The following CIZ1 variants were observed in gnomAD, a reference collection of about 807,000 sequenced individuals.
CIZ1 encodes the protein cip1-interacting zinc finger protein.
In CIZ1, 58 loss-of-function variants were observed where a neutral mutation model predicts 118.6. The ratio of observed to expected loss-of-function variants is 0.49; its 90% CI spans 0.40 to 0.61. The LOEUF (loss-of-function observed/expected upper bound fraction) is 0.61, where lower values mean the gene tolerates loss of function less well. CIZ1 is among the 20% of genes least tolerant of loss of function. CIZ1 has a pLI of 0.00. For missense variants in CIZ1, 921 were observed against 1,115.9 expected (o/e 0.83, Z 2.49); for synonymous variants, 448 against 443.4 (o/e 1.01, Z -0.13).
intron 9 of CIZ1, 148 bp downstream of exon 9, chr9:128,178,220 TG>T: frequency 2.1e-6 from 2 of 948,850 alleles, no homozygotes; most frequent in South Asian, 1.7e-5. Context: ...CAGCCTGGTC[TG>T]GCCACCCATC....
At position 128,182,307 on chromosome 9, in the gene CIZ1, G is replaced by A. The variant is rs557055681; in HGVS notation, c.589-1493C>T. On this transcript the variant is annotated intron_variant, in intron 5 of 16. Coordinates refer to ENST00000372938, the MANE Select transcript of CIZ1 (RefSeq NM_001131016.2). ...GTCTTTATTTCTACACTCTCTCGTC[G>A]CCGCACACAGGGAGAGACGCACCGA... is the stretch of plus-strand genomic sequence containing the variant. Among the ~76,000 whole-genome samples, 15 of 152,118 alleles carry A rather than the reference G, an allele frequency of 9.9e-5. No individual in the cohort carries two copies. In the South Asian group the frequency reaches 2.5e-3, roughly 25 times the overall value.
chr9:128,170,967 C>G (rs753056535), intron 11 of CIZ1, among the ~76,000 whole-genome samples: 31 of 151,820 alleles, frequency 2.0e-4, no homozygotes, highest in Non-Finnish European at 3.5e-4. Flanking sequence ...CTCTACAAAA[C>G]ATAAAAAACA....
chr9:128,178,690 G>A lies in CIZ1; in HGVS notation c.1498+19C>T. On this transcript the variant is annotated intron_variant, in intron 8 of 16. Coordinates refer to ENST00000372938, the MANE Select transcript of CIZ1 (RefSeq NM_001131016.2). ...AGCTGTCCCATCACCAGACCAGCTG[G>A]GAGCCAGTGCTCACTTACCTCCACC... 6.2e-7 allele frequency: 1 copy of A among 1,605,774 alleles called. No individual in the cohort carries two copies.
At chr9:128,191,827 G>A, upstream of CIZ1, 1 of 1,461,808 alleles carries the variant, frequency 6.8e-7, no homozygotes, top group Admixed American at 2.4e-5. The surrounding 1 kb of genome is among the most constrained non-coding windows in gnomAD (Gnocchi z 5.5). Flanking sequence ...GGGCATCGAG[G>A]GGGACTTCCT....
intron 5 of CIZ1, among the ~76,000 whole-genome samples, chr9:128,182,138 GACTCACAT>G (rs1831738067): frequency 6.6e-6 from 1 of 152,186 alleles, no homozygotes; most frequent in Non-Finnish European, 1.5e-5. Context: ...CATTGGAGGT[GACTCACAT>G]TCTTTACCCT....
In CIZ1 at chr9:128,203,136, A is replaced by C. The variant is rs550797296; in HGVS notation, c.-6+1050T>G. 3.3e-4 allele frequency among the ~76,000 whole-genome samples: 50 copies of C among 152,344 alleles called. No homozygotes were observed. The highest frequency in any genetic ancestry group is 1.2e-3 in the African/African-American group (50 of 41,590). ...AGTGAAACATCCAGACCACTCTCCA[A>C]GAGGCCTGGTACTAGGAGTGAGACC... On this transcript the variant is annotated intron_variant, in intron 1 of 17. Coordinates refer to the CIZ1 transcript ENST00000372948. The surrounding 1 kb of genome is among the most constrained non-coding windows in gnomAD (Gnocchi z 5.3).
At position 128,179,431 on chromosome 9, in the gene CIZ1, A is replaced by G. The variant is rs1831283400; in HGVS notation, c.792-16T>C. The G allele has an allele frequency of 6.5e-7, 1 of 1,548,654 alleles. No homozygotes were observed. Among genetic ancestry groups the G allele is most frequent in the Non-Finnish European group, 8.7e-7 (1 of 1,152,540 alleles). ...CTCTTCTGAGCTAGGAAGGATCAAA[A>G]AAAAATCCCAGTCATGTCTTCAAAG... On this transcript the variant is annotated splice_polypyrimidine_tract_variant and intron_variant, in intron 7 of 16. Transcript: ENST00000372938.
chr9:128,168,805 C>T (rs1246498273), intron 14 of CIZ1: 8 of 517,740 alleles, frequency 1.5e-5, no homozygotes, highest in Admixed American at 3.3e-5. Context: ...TTTACTGATG[C>T]TGTTCCCTTT....
chr9:128,169,564 C>A (rs1216337375), intron 12 of CIZ1, 45 bp from the exon 13 acceptor site: 2 of 1,607,296 alleles, frequency 1.2e-6, no homozygotes, highest in South Asian at 2.2e-5. Flanking sequence ...AGCTGCAAGC[C>A]CCCTGACTAG....
At chr9:128,190,288 C>T in intron 3 of CIZ1, 41 bp downstream of exon 3, 1 of 1,391,876 alleles carries the variant, frequency 7.2e-7, no homozygotes, top group Non-Finnish European at 1.0e-6. Flanking sequence ...TAGGGAGCTA[C>T]CACTAAAAGA....
rs755846470 is a variant in CIZ1 at position 128,169,068 on chromosome 9, TC to T, written c.2278del (p.Glu760ArgfsTer7). ...DEDEEEIEVE[E>X]ELCKQVRSRD... ...CCCCAGCACCTGCTTGCAGAGTTCC[TC>T]CTCAACCTCGATCTCTTCTTCATCC... On this transcript the variant is annotated frameshift_variant, in exon 14 of 17. Coordinates refer to ENST00000372938, the MANE Select transcript of CIZ1 (RefSeq NM_001131016.2). LOFTEE classifies it high-confidence loss of function. 6.2e-7 allele frequency: 1 copy of T among 1,614,092 alleles called. No individual in the cohort carries two copies. The highest frequency in any genetic ancestry group is 1.3e-5 in the African/African-American group (1 of 75,012).
chr9:128,192,366 CA>C (rs57931082), upstream of CIZ1, among the ~76,000 whole-genome samples: 4 of 139,462 alleles, frequency 2.9e-5, no homozygotes, highest in African/African-American at 5.3e-5. Context: ...CAAGAGCTGT[CA>C]AAAAAAAAAA....
At chr9:128,181,643 G>A (rs1350895224) in intron 5 of CIZ1, among the ~76,000 whole-genome samples, 1 of 152,226 alleles carries the variant, frequency 6.6e-6, no homozygotes, top group Non-Finnish European at 1.5e-5. Context: ...CCACCAGAGG[G>A]CTCCTTGGTC....
chr9:128,190,881 G>A lies in CIZ1; in HGVS notation c.-5-19C>T, dbSNP rs764581616. 1 of 1,525,140 alleles carries A rather than the reference G, an allele frequency of 6.6e-7. No homozygotes were observed. Among genetic ancestry groups the A allele is most frequent in the South Asian group, 1.3e-5 (1 of 79,480 alleles). The allele number at this position is 1,525,140 out of a possible 1,614,324, so 94.5% of individuals were successfully genotyped here. ...ATGGTGGCTAGGGGCAGAAAGCAGAGTGAGGCAAGGGGTCCCCACCATAAG... is the reference window on the plus strand; with the variant it reads ...ATGGTGGCTAGGGGCAGAAAGCAGAATGAGGCAAGGGGTCCCCACCATAAG... On this transcript the variant is annotated intron_variant, in intron 1 of 16. Transcript: ENST00000372938.
Position 128,179,222 on chromosome 9 carries a change from G to A in CIZ1, c.985C>T (p.Arg329Trp), listed in dbSNP as rs201480831. 6.2e-5 allele frequency: 100 copies of A among 1,614,084 alleles called. No individual in the cohort carries two copies. Among genetic ancestry groups the A allele is most frequent in the South Asian group, 4.9e-4 (45 of 91,088 alleles). Reference protein sequence around the residue: ...QAQVQSQTQPRIPSTDTQVQP... With the variant: ...QAQVQSQTQPWIPSTDTQVQP... ...ACCTGGGTGTCTGTGGATGGTATCC[G>A]CGGCTGAGTCTGTGACTGCACCTGG... Residue 329 changes from arginine (R) to tryptophan (W), a missense_variant, in exon 8 of 17, where the codon CGG (arginine) becomes TGG (tryptophan). Arg to Trp is a moderately radical substitution (Grantham distance 101). Transcript: ENST00000372938.
intron 15 of CIZ1, 58 bp downstream of exon 15, chr9:128,167,037 T>C: frequency 6.3e-7 from 1 of 1,577,572 alleles, no homozygotes; most frequent in Middle Eastern, 1.7e-4. Context: ...GAGGGTCATG[T>C]GGAGGCTGGG....
intron 11 of CIZ1, among the ~76,000 whole-genome samples, chr9:128,173,139 T>TC (rs1353064284): frequency 7.5e-6 from 1 of 133,996 alleles, no homozygotes; most frequent in African/African-American, 2.8e-5. Flanking sequence ...TAATTTCTTT[T>TC]TTTTTTTTTT....
At position 128,190,693 on chromosome 9, in the gene CIZ1, G is replaced by C; in HGVS notation, c.165C>G (p.Val55=). 1 of 1,552,658 alleles carries C rather than the reference G, an allele frequency of 6.4e-7. No individual in the cohort carries two copies. The highest frequency in any genetic ancestry group is 1.2e-5 in the South Asian group (1 of 84,402). The part of the protein sequence containing the change: ...SPPQAPLPMA[V]SRGLPPQQPQ... ...CGCCCGAGAGGGGAACTCACCGGCTGACAGCCATGGGCAACGGGGCCTGTG... is the reference window on the plus strand; with the variant it reads ...CGCCCGAGAGGGGAACTCACCGGCTCACAGCCATGGGCAACGGGGCCTGTG... The change falls in exon 2 of 17, where the codon GTC becomes GTG. Residue 55 remains valine, a synonymous_variant. Transcript: ENST00000372938.
Position 128,176,358 on chromosome 9 carries a change from C to G in CIZ1, c.1936G>C (p.Glu646Gln), listed in dbSNP as rs1830847337. 6.2e-7 allele frequency: 1 copy of G among 1,613,848 alleles called. No homozygotes were observed. Among genetic ancestry groups the G allele is most frequent in the Admixed American group, 1.7e-5 (1 of 59,988 alleles). ...CCACGATCCCCCACTCACTCATCCT[C>G]TGTCTCCAGGACGTCCCGGGGCACG... ...LPVPRDVLET[E>Q]DEEPPPRRWC... Residue 646 changes from glutamate (E) to glutamine (Q), a missense_variant, in exon 11 of 17, where the codon GAG becomes CAG. Physicochemically the swap from Glu to Gln is conservative, Grantham distance 29. Coordinates refer to ENST00000372938, the MANE Select transcript of CIZ1 (RefSeq NM_001131016.2).
Sources: gnomAD v4.1 joint callset for allele counts (sites outside exome capture counted in the v4.1 genomes callset) on GRCh38, gnomAD v4.1.1 for gene constraint, Gnocchi (gnomAD v3.1) non-coding constraint, MANE v1.5 for transcripts, NCBI Gene and HGNC (gene_info 2026-07-23, HGNC 2026-07-21) for gene names.